SH3BGR: variants seen among roughly 807,000 people sequenced by gnomAD.
The protein encoded by SH3BGR is SH3 domain-binding glutamic acid-rich protein.
In SH3BGR, 29 loss-of-function variants were observed where a neutral mutation model predicts 24.5. The ratio of observed to expected loss-of-function variants is 1.18; its 90% CI spans 0.88 to 1.61. The LOEUF is 1.61. SH3BGR is among the 40% of genes most tolerant of loss of function. The pLI is 0.00. For missense variants in SH3BGR, 162 were observed against 205.8 expected (o/e 0.79, Z 1.30); for synonymous variants, 55 against 65.7 (o/e 0.84, Z 0.79).
chr21:39,486,437 T>C (rs764471765), intron 3 of SH3BGR, among the ~76,000 whole-genome samples: 18 of 152,174 alleles, frequency 1.2e-4, no homozygotes, highest in Non-Finnish European at 2.5e-4. Context: ...CTTGATGTAA[T>C]TATTCAGAGA....
intron 3 of SH3BGR, among the ~76,000 whole-genome samples, chr21:39,494,250 TC>T (rs200178549): frequency 0.04 from 5,847 of 147,838 alleles, 163 homozygotes; most frequent in Non-Finnish European, 0.06. Flanking sequence ...TTCTTCTTCT[TC>T]TTTTTTTTTT....
intron 2 of SH3BGR, among the ~76,000 whole-genome samples, chr21:39,463,845 A>G (rs1055369842): frequency 6.6e-6 from 1 of 152,140 alleles, no homozygotes; most frequent in African/African-American, 2.4e-5. Flanking sequence ...GGGGGCTTGT[A>G]TTAGCTTCCT....
chr21:39,485,759 C>A (rs1044791892), intron 3 of SH3BGR, among the ~76,000 whole-genome samples: 51 of 149,306 alleles, frequency 3.4e-4, no homozygotes, highest in African/African-American at 1.2e-3. Context: ...GCGATCTCGG[C>A]TCACTGCAAG....
chr21:39,464,944 AATGGTAT>A (rs2077815991), intron 2 of SH3BGR, among the ~76,000 whole-genome samples: 1 of 152,126 alleles, frequency 6.6e-6, no homozygotes, highest in African/African-American at 2.4e-5. Flanking sequence ...GGTGATTCAA[AATGGTAT>A]CTAGTGAAAA....
chr21:39,458,050 T>A (rs906241651), intron 1 of SH3BGR, among the ~76,000 whole-genome samples: 1 of 152,216 alleles, frequency 6.6e-6, no homozygotes, highest in Non-Finnish European at 1.5e-5. Context: ...TTGGTTTACA[T>A]GTCTCTAAGA....
chr21:39,457,285 A>T (rs2077673324), intron 1 of SH3BGR, among the ~76,000 whole-genome samples: 1 of 134,964 alleles, frequency 7.4e-6, no homozygotes, highest in Non-Finnish European at 1.6e-5. Flanking sequence ...CATATATAAG[A>T]TTATTATAAT....
intron 6 of SH3BGR, among the ~76,000 whole-genome samples, chr21:39,514,595 C>G (rs1045433458): frequency 6.6e-6 from 1 of 152,144 alleles, no homozygotes; most frequent in Non-Finnish European, 1.5e-5. Flanking sequence ...CTCTTAGGCT[C>G]AAGTGCTCTG....
Position 39,452,175 on chromosome 21 carries a change from CTT to C in SH3BGR, c.45+37_45+38del, listed in dbSNP as rs746789031. On this transcript the variant is annotated intron_variant, in intron 1 of 6. Transcript: ENST00000333634. ...CTGGTGGACTCTTTCTTCCTATACT[CTT>C]TTCTGAATAACTTAGGGTTGGAAAT... 1.1e-5 allele frequency: 17 copies of C among 1,613,288 alleles called. No homozygotes were observed. The Admixed American group carries it at 2.7e-4, about 25-fold the overall frequency.
intron 3 of SH3BGR, among the ~76,000 whole-genome samples, chr21:39,480,099 G>A (rs1034243959): frequency 1.3e-5 from 2 of 152,088 alleles, no homozygotes; most frequent in Non-Finnish European, 2.9e-5. Flanking sequence ...CTTTCCATAT[G>A]TTGGTTAATT....
chr21:39,497,135 G>T (rs1443835333), intron 3 of SH3BGR, among the ~76,000 whole-genome samples: 2 of 150,762 alleles, frequency 1.3e-5, no homozygotes, highest in African/African-American at 4.9e-5. Context: ...ATGTATATCT[G>T]AGAATATATT....
intron 3 of SH3BGR, among the ~76,000 whole-genome samples, chr21:39,485,368 T>C (rs2078192683): frequency 6.6e-6 from 1 of 152,168 alleles, no homozygotes; most frequent in East Asian, 1.9e-4. Flanking sequence ...GCAGGGAGAA[T>C]AAGAGGTCAT....
intron 3 of SH3BGR, among the ~76,000 whole-genome samples, chr21:39,491,183 A>AT (rs1233554199): frequency 7.8e-6 from 1 of 127,626 alleles, no homozygotes; most frequent in Non-Finnish European, 1.8e-5. Context: ...TATTTATTTT[A>AT]TTTTTTATTT....
rs2077581900 is a variant in SH3BGR, at chr21:39,452,011, C to T, written c.-86C>T. On this transcript the variant is annotated 5_prime_UTR_variant, in exon 1 of 7. Transcript: ENST00000333634. The stretch of plus-strand genomic sequence containing the variant: ...GCTGCCAGCCCCGACCTGGCACTTG[C>T]TTGCCTGTGTCACTGTCAGGATTTG... 5 of 1,614,068 alleles carry T rather than the reference C, an allele frequency of 3.1e-6. No individual in the cohort carries two copies. Among genetic ancestry groups the T allele is most frequent in the Non-Finnish European group, 4.2e-6 (5 of 1,180,030 alleles).
chr21:39,514,581 C>T (rs777172991), intron 6 of SH3BGR, among the ~76,000 whole-genome samples: 1 of 152,018 alleles, frequency 6.6e-6, no homozygotes, highest in Non-Finnish European at 1.5e-5. Flanking sequence ...AGGCTGGTCT[C>T]GAACTCTTAG....
chr21:39,473,254 G>A (rs917188685), intron 2 of SH3BGR, among the ~76,000 whole-genome samples: 3 of 152,128 alleles, frequency 2.0e-5, no homozygotes, highest in East Asian at 1.9e-4. Context: ...TTCTTGCCTC[G>A]AAATCTAGAG....
At chr21:39,460,555 C>T (rs912050931) in intron 1 of SH3BGR, among the ~76,000 whole-genome samples, 5 of 152,170 alleles carry the variant, frequency 3.3e-5, no homozygotes, top group South Asian at 2.1e-4. Flanking sequence ...CTGCAACCTC[C>T]GCCTCCCAGG....
intron 3 of SH3BGR, among the ~76,000 whole-genome samples, chr21:39,492,775 G>A (rs1448199884): frequency 2.0e-5 from 3 of 151,826 alleles, no homozygotes; most frequent in Non-Finnish European, 2.9e-5. Flanking sequence ...CTGCATCCAC[G>A]CCAACACCTA....
At chr21:39,488,897 TGTCTC>T (rs2123453208) in intron 3 of SH3BGR, 1 of 159,328 alleles carries the variant, frequency 6.3e-6, no homozygotes, top group Admixed American at 6.4e-5. Flanking sequence ...CTTCCCATCT[TGTCTC>T]TTTTGGATAA....
chr21:39,497,282 T>C (rs2078413471), intron 3 of SH3BGR, among the ~76,000 whole-genome samples: 1 of 151,314 alleles, frequency 6.6e-6, no homozygotes, highest in Admixed American at 6.6e-5. Flanking sequence ...TAATGGGAAA[T>C]GATGATTTAT....
Sources: gnomAD v4.1 joint callset for allele counts (sites outside exome capture counted in the v4.1 genomes callset) on GRCh38, gnomAD v4.1.1 for gene constraint, MANE v1.5 for transcripts, NCBI Gene and HGNC (gene_info 2026-07-23, HGNC 2026-07-21) for gene names.